The following CLASP2 variants were observed in gnomAD, a reference collection of about 807,000 sequenced individuals.
CLASP2 encodes the protein cytoplasmic linker associated protein 2, also known as CLIP-associating protein 2.
A neutral mutation model predicts 194.4 loss-of-function variants in CLASP2; 47 were observed. The observed-to-expected ratio is 0.24, with a 90% CI of 0.19 to 0.31. The LOEUF is 0.31. Ranked by LOEUF, CLASP2 falls within the 10% of genes least tolerant of loss-of-function variation. The probability of loss-of-function intolerance (pLI) is 1.00; values close to 1 mark genes in which losing one functional copy is unlikely to be tolerated. For synonymous variants in CLASP2, 619 were observed against 633.5 expected, an observed-to-expected ratio of 0.98 and a Z score of 0.34; for missense variants, 1,445 against 1,823.6, an observed-to-expected ratio of 0.79 and a Z score of 3.78.
intron 6 of CLASP2, among the ~76,000 whole-genome samples, chr3:33,677,871 A>G (rs2089076792): frequency 6.6e-6 from 1 of 150,608 alleles, no homozygotes; most frequent in South Asian, 2.1e-4. Flanking sequence ...ATAGCATGCC[A>G]AAAAGGAAAA....
intron 7 of CLASP2, among the ~76,000 whole-genome samples, chr3:33,647,808 G>A (rs1438398436): frequency 1.3e-5 from 2 of 152,156 alleles, no homozygotes; most frequent in Admixed American, 6.5e-5. Context: ...GCCGAGGCAG[G>A]TGGGTGACGA....
chr3:33,691,553 T>C (rs1382242945), intron 2 of CLASP2, among the ~76,000 whole-genome samples: 2 of 152,176 alleles, frequency 1.3e-5, no homozygotes, highest in African/African-American at 2.4e-5. Flanking sequence ...ATAAGTCTAA[T>C]TATGAGGCAA....
chr3:33,676,896 T>C (rs1044442260), intron 6 of CLASP2, among the ~76,000 whole-genome samples: 2 of 152,088 alleles, frequency 1.3e-5, no homozygotes, highest in South Asian at 2.1e-4. Context: ...GGGCGAAGGA[T>C]ATGAACAGAC....
intron 8 of CLASP2, among the ~76,000 whole-genome samples, chr3:33,636,358 C>G (rs2080134118): frequency 6.6e-6 from 1 of 151,950 alleles, no homozygotes; most frequent in South Asian, 2.1e-4. Context: ...AATCTGACAT[C>G]TATACTGTGC....
intron 24 of CLASP2, among the ~76,000 whole-genome samples, chr3:33,574,129 T>A (rs1465587506): frequency 3.9e-5 from 6 of 152,186 alleles, no homozygotes. Context: ...ATAGTTTATT[T>A]AAGATTTCCT....
intron 6 of CLASP2, among the ~76,000 whole-genome samples, chr3:33,669,206 T>C (rs776653283): frequency 3.3e-4 from 50 of 152,198 alleles, no homozygotes; most frequent in Admixed American, 2.0e-4. Context: ...TTGGGTCAAG[T>C]GAGTATCCAC....
In CLASP2 at chr3:33,688,435, C is replaced by T. The variant is rs1366099325; in HGVS notation, c.379-67G>A. 6.0e-6 allele frequency: 7 copies of T among 1,162,478 alleles called. No individual in the cohort carries two copies. In the Admixed American group the frequency reaches 1.2e-4, roughly 20 times the overall value. 72.0% of individuals were successfully genotyped at this position (1,162,478 alleles called of 1,614,324 possible). On this transcript the variant is annotated intron_variant, in intron 3 of 38. Coordinates refer to ENST00000682230, the MANE Select transcript of CLASP2 (RefSeq NM_001365631.1). ...TTATTCATGTTATAATCTTTTATTT[C>T]TTCCCAATCTTACTACCAACCTTAT... is the stretch of plus-strand genomic sequence containing the variant.
At chr3:33,635,462 T>G (rs895627002) in intron 8 of CLASP2, among the ~76,000 whole-genome samples, 1 of 152,134 alleles carries the variant, frequency 6.6e-6, no homozygotes, top group Non-Finnish European at 1.5e-5. Flanking sequence ...CAAACATTCC[T>G]GCAGAAGAAA....
At chr3:33,540,570 T>C (rs1042299081) in intron 32 of CLASP2, among the ~76,000 whole-genome samples, 4 of 152,110 alleles carry the variant, frequency 2.6e-5, no homozygotes, top group African/African-American at 4.8e-5. Flanking sequence ...TAAAATCAAA[T>C]GCTGAAATTC....
At chr3:33,536,496 G>A (rs961482085) in intron 33 of CLASP2, among the ~76,000 whole-genome samples, 6 of 152,220 alleles carry the variant, frequency 3.9e-5, no homozygotes, top group Non-Finnish European at 5.9e-5. Context: ...AACGTGCATA[G>A]TAAGTTCAAG....
At chr3:33,661,885 G>C (rs2085364273) in intron 7 of CLASP2, among the ~76,000 whole-genome samples, 1 of 152,176 alleles carries the variant, frequency 6.6e-6, no homozygotes, top group South Asian at 2.1e-4. Context: ...GTGATAAATA[G>C]GTTTCCTTCT....
chr3:33,683,061 T>C (rs1374138809), intron 6 of CLASP2: 1 of 152,240 alleles, frequency 6.6e-6, no homozygotes, highest in Non-Finnish European at 1.5e-5. Context: ...CAATAAATTG[T>C]ATGGTACCTT....
In CLASP2 at chr3:33,664,277, T is replaced by C. The variant is rs1575407959; in HGVS notation, c.645-762A>G. Among the ~76,000 whole-genome samples the C allele has an allele frequency of 2.0e-5, 3 of 151,444 alleles. No individual in the cohort carries two copies. The South Asian group carries it at 6.2e-4, about 32-fold the overall frequency. ...TGAAATGGGATAAAACTGACAGCAC[T>C]TTTTTTTTAGTTTGCTTTTCTTTCT... On this transcript the variant is annotated intron_variant, in intron 6 of 38. Transcript: ENST00000682230.
intron 7 of CLASP2, among the ~76,000 whole-genome samples, chr3:33,659,844 A>G (rs1015226211): frequency 6.6e-6 from 1 of 152,226 alleles, no homozygotes; most frequent in African/African-American, 2.4e-5. Flanking sequence ...ACCAAAGAAA[A>G]GAGCTGCTTT....
chr3:33,504,389 CTT>C (rs1350236398), intron 37 of CLASP2: 1 of 152,194 alleles, frequency 6.6e-6, no homozygotes, highest in Non-Finnish European at 1.5e-5. Flanking sequence ...ACTGAAGTCT[CTT>C]TGTTACCTCA....
At chr3:33,523,471 T>C (rs2053688698) in intron 34 of CLASP2, among the ~76,000 whole-genome samples, 1 of 152,164 alleles carries the variant, frequency 6.6e-6, no homozygotes, top group Admixed American at 6.5e-5. Context: ...AGCAGATTTC[T>C]CATTAGAAAC....
intron 1 of CLASP2, among the ~76,000 whole-genome samples, chr3:33,713,515 T>C (rs1363381185): frequency 6.6e-6 from 1 of 152,208 alleles, no homozygotes; most frequent in Non-Finnish European, 1.5e-5. Flanking sequence ...AAAAATGGCA[T>C]ATTTCTTAAT....
intron 1 of CLASP2, among the ~76,000 whole-genome samples, chr3:33,698,611 T>C (rs1415588704): frequency 6.6e-6 from 1 of 152,132 alleles, no homozygotes; most frequent in African/African-American, 2.4e-5. Context: ...GGAAAACCCT[T>C]CATAAAATTA....
intron 23 of CLASP2, among the ~76,000 whole-genome samples, chr3:33,577,659 T>C (rs2065181732): frequency 6.6e-6 from 1 of 152,164 alleles, no homozygotes; most frequent in African/African-American, 2.4e-5. Flanking sequence ...TTACAGATGG[T>C]GCTATGGTCT....
Sources: gnomAD v4.1 joint callset for allele counts (sites outside exome capture counted in the v4.1 genomes callset) on GRCh38, gnomAD v4.1.1 for gene constraint, MANE v1.5 for transcripts, NCBI Gene and HGNC (gene_info 2026-07-23, HGNC 2026-07-21) for gene names.